Variants in DLG2 observed in about 807,000 individuals in gnomAD.
DLG2 encodes discs large MAGUK scaffold protein 2.
In DLG2, 45 loss-of-function variants were observed where a neutral mutation model predicts 132.5. The observed-to-expected ratio is 0.34, with a 90% CI of 0.27 to 0.44. The LOEUF (loss-of-function observed/expected upper bound fraction) is 0.44. Ranked by LOEUF, DLG2 falls within the 20% of genes least tolerant of loss-of-function variation. The pLI is 1.00. For missense variants in DLG2, 1,045 were observed against 1,196.9 expected (o/e 0.87, Z 1.87); for synonymous variants, 424 against 419.6 (o/e 1.01, Z -0.13).
chr11:83,980,677 TTTG>T lies in DLG2; in HGVS notation c.920-38_920-36del, dbSNP rs781725464. On this transcript the variant is annotated intron_variant, in intron 11 of 27. Coordinates refer to ENST00000376104, the MANE Select transcript of DLG2 (RefSeq NM_001142699.3). ...AGGAACAGAAAATGGAAAGCCTTGT[TTTG>T]TTGTTGTAGTTGTTTTTAGAAAATG... 49 of 1,492,702 alleles carry T rather than the reference TTTG, an allele frequency of 3.3e-5. No individual in the cohort carries two copies. The Admixed American group carries it at 8.6e-4, about 26-fold the overall frequency. 92.5% of individuals were successfully genotyped at this position (1,492,702 alleles called of 1,614,324 possible).
chr11:85,611,345 T>C (rs755619198), intron 2 of DLG2, among the ~76,000 whole-genome samples: 5 of 152,182 alleles, frequency 3.3e-5, no homozygotes, highest in Non-Finnish European at 7.3e-5. Flanking sequence ...CCTACTTAGA[T>C]ACCAGGCACT....
chr11:85,241,754 T>C (rs60203459), intron 4 of DLG2, among the ~76,000 whole-genome samples: 1,796 of 152,074 alleles, frequency 0.012, 28 homozygotes, highest in African/African-American at 0.039. Context: ...ACATCCCACA[T>C]ATGTCTATAA....
rs2074174936 is a variant in DLG2, at chr11:83,661,189, T to G, written c.1826-27864A>C. On this transcript the variant is annotated intron_variant, in intron 18 of 27. Coordinates refer to ENST00000376104, the MANE Select transcript of DLG2 (RefSeq NM_001142699.3). The stretch of plus-strand genomic sequence containing the variant: ...GGCTCTGGGGAAAAAGCATTTGCAT[T>G]TAAATTCCACCTATAACTCTGAATT... Among the ~76,000 whole-genome samples the G allele has an allele frequency of 2.0e-5, 3 of 152,154 alleles. No individual in the cohort carries two copies. In the South Asian group the frequency reaches 6.2e-4, roughly 32 times the overall value.
At chr11:84,948,898 G>C (rs2050570554) in intron 6 of DLG2, among the ~76,000 whole-genome samples, 1 of 152,186 alleles carries the variant, frequency 6.6e-6, no homozygotes, top group Non-Finnish European at 1.5e-5. Flanking sequence ...ATGAGACAGA[G>C]TATGAGAAAT....
At chr11:84,171,579 T>C (rs766484091) in intron 8 of DLG2, among the ~76,000 whole-genome samples, 1 of 152,224 alleles carries the variant, frequency 6.6e-6, no homozygotes, top group African/African-American at 2.4e-5. Flanking sequence ...CTGAATAGTA[T>C]TCCATTGTAT....
chr11:83,629,259 G>A (rs2063156909), intron 19 of DLG2, among the ~76,000 whole-genome samples: 1 of 152,084 alleles, frequency 6.6e-6, no homozygotes, highest in South Asian at 2.1e-4. Flanking sequence ...TCCATTATAG[G>A]TCCTGGCACA....
intron 7 of DLG2, among the ~76,000 whole-genome samples, chr11:84,288,793 C>G (rs1484871426): frequency 6.6e-6 from 1 of 152,046 alleles, no homozygotes; most frequent in Non-Finnish European, 1.5e-5. Flanking sequence ...CAAAATAGGC[C>G]TTGCAAACTT....
At chr11:84,864,021 T>C (rs1021738786) in intron 6 of DLG2, among the ~76,000 whole-genome samples, 1 of 152,208 alleles carries the variant, frequency 6.6e-6, no homozygotes, top group Non-Finnish European at 1.5e-5. Flanking sequence ...TTTAATGAAA[T>C]AGGCTACTAC....
In DLG2 at chr11:83,561,305, T is replaced by G. The variant is rs555334086; in HGVS notation, c.1941-19447A>C. On this transcript the variant is annotated intron_variant, in intron 19 of 27. Coordinates refer to ENST00000376104, the MANE Select transcript of DLG2 (RefSeq NM_001142699.3). ...ACACCATATATGAATACCCCTTTTT[T>G]GTTCTAGCAGAGGCTATTTGGAGGA... Among the ~76,000 whole-genome samples the G allele has an allele frequency of 1.3e-3, 199 of 152,278 alleles. 1 individual carries two copies. Among genetic ancestry groups the G allele is most frequent in the Non-Finnish European group, 2.5e-3 (167 of 68,018 alleles).
At chr11:84,502,358 CTT>C (rs1376187766) in intron 7 of DLG2, among the ~76,000 whole-genome samples, 2 of 66,130 alleles carry the variant, frequency 3.0e-5, no homozygotes, top group Admixed American at 3.5e-4. Context: ...TTCTTTCTTT[CTT>C]TCTTTCTTTC....
At chr11:84,869,896 A>G (rs1396365740) in intron 6 of DLG2, among the ~76,000 whole-genome samples, 4 of 152,250 alleles carry the variant, frequency 2.6e-5, no homozygotes, top group East Asian at 1.9e-4. Context: ...AGAATACTTA[A>G]GAGTATTTTG....
chr11:84,835,848 A>G (rs2079689610), intron 6 of DLG2, among the ~76,000 whole-genome samples: 1 of 151,820 alleles, frequency 6.6e-6, no homozygotes, highest in African/African-American at 2.4e-5. Context: ...GTAAACAGTG[A>G]TCTAAATTGA....
chr11:83,653,462 G>T (rs540046272), intron 18 of DLG2, among the ~76,000 whole-genome samples: 1 of 152,012 alleles, frequency 6.6e-6, no homozygotes, highest in South Asian at 2.1e-4. Context: ...ATTTTTTCTT[G>T]GTCCCAAATT....
chr11:85,047,766 A>G (rs1337994882), intron 6 of DLG2, among the ~76,000 whole-genome samples: 1 of 151,980 alleles, frequency 6.6e-6, no homozygotes, highest in Non-Finnish European at 1.5e-5. Flanking sequence ...AAAAAACTAA[A>G]TAAAAAATGA....
chr11:84,503,254 C>A (rs151210592), intron 7 of DLG2, among the ~76,000 whole-genome samples: 22 of 152,202 alleles, frequency 1.4e-4, no homozygotes, highest in African/African-American at 5.3e-4. Context: ...TGTCTGAATA[C>A]CCAATACTAT....
chr11:83,603,942 C>T (rs1460544963), intron 19 of DLG2, among the ~76,000 whole-genome samples: 1 of 152,106 alleles, frequency 6.6e-6, no homozygotes, highest in Non-Finnish European at 1.5e-5. Flanking sequence ...TGTCACATTT[C>T]ACCTCAGAAA....
chr11:85,111,782 G>A (rs756580323), intron 5 of DLG2, 47 bp from the exon 6 acceptor site: 2 of 1,375,710 alleles, frequency 1.5e-6, no homozygotes. Flanking sequence ...TTATGGGCCA[G>A]TATGTATATA....
At chr11:83,788,840 G>T (rs2040728865) in intron 17 of DLG2, among the ~76,000 whole-genome samples, 1 of 152,136 alleles carries the variant, frequency 6.6e-6, no homozygotes, top group African/African-American at 2.4e-5. Context: ...CACTTTTATG[G>T]ATACTTTTTT....
At chr11:84,346,229 T>C (rs1434427286) in intron 7 of DLG2, among the ~76,000 whole-genome samples, 2 of 152,216 alleles carry the variant, frequency 1.3e-5, no homozygotes, top group African/African-American at 4.8e-5. Flanking sequence ...TGACCATTCC[T>C]TTCTATGGCT....
Sources: gnomAD v4.1 joint callset for allele counts (sites outside exome capture counted in the v4.1 genomes callset) on GRCh38, gnomAD v4.1.1 for gene constraint, MANE v1.5 for transcripts, NCBI Gene and HGNC (gene_info 2026-07-23, HGNC 2026-07-21) for gene names.